ENTPD1: variants seen among roughly 807,000 people sequenced by gnomAD.
ENTPD1 encodes the protein ectonucleoside triphosphate diphosphohydrolase 1.
A neutral mutation model predicts 57.0 loss-of-function variants in ENTPD1; 33 were observed. The observed-to-expected ratio is 0.58, with a 90% CI of 0.44 to 0.77. The LOEUF is 0.77. Ranked by LOEUF, ENTPD1 falls within the 30% of genes least tolerant of loss-of-function variation. ENTPD1 has a pLI of 0.00. For missense variants in ENTPD1, 501 were observed against 603.4 expected (o/e 0.83, Z 1.78); for synonymous variants, 202 against 218.8 (o/e 0.92, Z 0.68).
chr10:95,820,163 G>T (rs1032052142), intron 1 of ENTPD1, among the ~76,000 whole-genome samples: 15 of 152,178 alleles, frequency 9.9e-5, no homozygotes, highest in African/African-American at 3.4e-4. Context: ...TGTGATCAGG[G>T]CTTTTGAAAA....
At chr10:95,846,070 A>G (rs1237162171) in intron 6 of ENTPD1, 4 of 189,758 alleles carry the variant, frequency 2.1e-5, no homozygotes, top group Admixed American at 1.6e-4. Flanking sequence ...AAATCTTGTC[A>G]TCTTGTCCCC....
intron 2 of ENTPD1, among the ~76,000 whole-genome samples, chr10:95,831,272 G>T (rs1273531027): frequency 6.6e-6 from 1 of 152,140 alleles, no homozygotes; most frequent in African/African-American, 2.4e-5. Context: ...CCTCTGATTT[G>T]TCATCCCTGT....
At chr10:95,706,712 G>C in the ENTPD1 span, among the ~76,000 whole-genome samples, 1 of 152,322 alleles carries the variant, frequency 6.6e-6, no homozygotes, top group African/African-American at 2.4e-5. Flanking sequence ...TCATAGGGTA[G>C]TAAGTACATG....
chr10:95,866,309 G>A lies in ENTPD1; in HGVS notation c.1459G>A (p.Val487Ile). The A allele has an allele frequency of 6.2e-7, 1 of 1,614,058 alleles. No individual in the cohort carries two copies. The highest frequency in any genetic ancestry group is 8.5e-7 in the Non-Finnish European group (1 of 1,180,010). Residue 487 changes from valine (V) to isoleucine (I), a missense_variant, in exon 10 of 10, where the codon GTC becomes ATC. By Grantham distance (29) the Val-to-Ile change is conservative. Transcript: ENST00000371205. ...YVFLMVLFSL[V>I]LFTVAIIGLL... ...CTTCCTCATGGTTCTATTCTCCCTG[G>A]TCCTTTTCACAGTGGCCATCATAGG...
At chr10:95,717,099 G>T (rs1326078776) in intron 1 of ENTPD1, among the ~76,000 whole-genome samples, 2 of 152,220 alleles carry the variant, frequency 1.3e-5, no homozygotes, top group Admixed American at 6.5e-5. Flanking sequence ...ATATGTTGAT[G>T]TGCATTCTTC....
intron 2 of ENTPD1, among the ~76,000 whole-genome samples, chr10:95,828,436 A>C (rs2098385416): frequency 6.6e-6 from 1 of 152,198 alleles, no homozygotes; most frequent in South Asian, 2.1e-4. Context: ...AATAGAAATA[A>C]GGTAGTTCAC....
chr10:95,808,037 TG>T (rs1224082216), intron 1 of ENTPD1, among the ~76,000 whole-genome samples: 1 of 152,202 alleles, frequency 6.6e-6, no homozygotes, highest in Non-Finnish European at 1.5e-5. Context: ...CCATTTAGTA[TG>T]ATGTTGGCTG....
In ENTPD1 at chr10:95,874,373, C is replaced by A. The variant is rs149150613; in HGVS notation, c.*7990C>A. On this transcript the variant is annotated 3_prime_UTR_variant, in exon 10 of 10. Coordinates refer to ENST00000371205, the MANE Select transcript of ENTPD1 (RefSeq NM_001776.6). ...TCAAATTTTAAAGCTCCATAATGAT[C>A]TCCTTTGACTCCATGTCTCACATTC... is the stretch of plus-strand genomic sequence containing the variant. Among the ~76,000 whole-genome samples, 178 of 152,326 alleles carry A rather than the reference C, an allele frequency of 1.2e-3. 4 individuals carry two copies. In the East Asian group the frequency reaches 0.033, roughly 28 times the overall value.
Position 95,819,770 on chromosome 10 carries a change from G to T in ENTPD1, c.17-3467G>T, listed in dbSNP as rs1589998483. On this transcript the variant is annotated intron_variant, in intron 1 of 9. Transcript: ENST00000371205. ...AAAAGAAAAAAATGCAAAGGAAGTG[G>T]CCGTCTTAAATTCTCCAGTACAGTA... Among the ~76,000 whole-genome samples, 6 of 152,256 alleles carry T rather than the reference G, an allele frequency of 3.9e-5. No individual in the cohort carries two copies. The South Asian group carries it at 1.2e-3, about 32-fold the overall frequency.
At chr10:95,865,057 T>C (rs967543249) in intron 9 of ENTPD1, among the ~76,000 whole-genome samples, 196 bp downstream of exon 9, 1 of 152,188 alleles carries the variant, frequency 6.6e-6, no homozygotes, top group African/African-American at 2.4e-5. Context: ...GCATCCTCGC[T>C]AAGGACAGCT....
intron 1 of ENTPD1, among the ~76,000 whole-genome samples, chr10:95,799,323 G>T (rs1406889295): frequency 6.6e-6 from 1 of 152,074 alleles, no homozygotes; most frequent in East Asian, 1.9e-4. Flanking sequence ...AGGCCCTAGT[G>T]TGTGTTATGC....
At chr10:95,711,423 A>G (rs1177973655), upstream of ENTPD1, among the ~76,000 whole-genome samples, 3 of 152,208 alleles carry the variant, frequency 2.0e-5, no homozygotes, top group Non-Finnish European at 2.9e-5. Flanking sequence ...ATCCTGTTAT[A>G]TTTCTACATG....
At chr10:95,755,386 G>A, upstream of ENTPD1, 1 of 298,170 alleles carries the variant, frequency 3.4e-6, no homozygotes, top group East Asian at 6.7e-5. Context: ...ATTAGCCCTT[G>A]TTTTGATTTC....
At position 95,864,692 on chromosome 10, in the gene ENTPD1, C is replaced by T. The variant is rs767315127; in HGVS notation, c.1189-32C>T. 6.8e-6 allele frequency: 11 copies of T among 1,613,702 alleles called. 1 individual carries two copies. Among genetic ancestry groups the T allele is most frequent in the East Asian group, 4.5e-5 (2 of 44,890 alleles). On this transcript the variant is annotated intron_variant, in intron 8 of 9. Transcript: ENST00000371205. Reference sequence around the variant, plus strand: ...GGGCCACAGAGAGGTGCCTATCATACGAGTATGATCTCCCCCTCACTTCAC... The same window carrying T: ...GGGCCACAGAGAGGTGCCTATCATATGAGTATGATCTCCCCCTCACTTCAC...
At chr10:95,742,574 G>C (rs2098001599) in intron 1 of ENTPD1, among the ~76,000 whole-genome samples, 2 of 136,512 alleles carry the variant, frequency 1.5e-5, no homozygotes, top group African/African-American at 5.5e-5. Context: ...GGAATATTGT[G>C]TGTTGTGGAT....
At chr10:95,839,885 A>G in intron 3 of ENTPD1, 77 bp downstream of exon 3, 2 of 1,444,874 alleles carry the variant, frequency 1.4e-6, no homozygotes, top group Non-Finnish European at 1.9e-6. Flanking sequence ...AGTAGAACAC[A>G]AGAGAAAAAG....
chr10:95,700,580 C>A, the ENTPD1 span, among the ~76,000 whole-genome samples: 3 of 151,916 alleles, frequency 2.0e-5, no homozygotes, highest in Non-Finnish European at 4.4e-5. Flanking sequence ...CCTAGCTGCA[C>A]AAGAGGCTGA....
chr10:95,824,865 A>G (rs770115655), intron 2 of ENTPD1, among the ~76,000 whole-genome samples: 46 of 152,236 alleles, frequency 3.0e-4, no homozygotes, highest in Non-Finnish European at 5.9e-4. Context: ...AATAAAAGGT[A>G]GGAGTATTGA....
Position 95,876,636 on chromosome 10 carries a change from T to C in ENTPD1, c.*10253T>C, listed in dbSNP as rs1670179302. ...AGTGAAGTCTGTTTGAAGGATGTAT[T>C]TGGCTGTCTTCTGGACAGGCCATTC... On this transcript the variant is annotated 3_prime_UTR_variant, in exon 10 of 10. Transcript: ENST00000371205. 1.1e-5 allele frequency: 14 copies of C among 1,229,196 alleles called. No homozygotes were observed. Among genetic ancestry groups the C allele is most frequent in the Non-Finnish European group, 1.2e-5 (12 of 986,782 alleles). 76.1% of individuals were successfully genotyped at this position (1,229,196 alleles called of 1,614,324 possible). A position where few individuals can be genotyped will look rare whatever the true frequency, so the allele number is the denominator to read the frequency against.
Sources: allele counts gnomAD v4.1 joint callset (sites outside exome capture counted in the v4.1 genomes callset), GRCh38; gene constraint gnomAD v4.1.1; transcripts MANE v1.5; gene names NCBI Gene and HGNC (gene_info 2026-07-23, HGNC 2026-07-21).